TRIM67: variants seen among roughly 807,000 people sequenced by gnomAD.
TRIM67 encodes tripartite motif-containing protein 67.
TRIM67 carries 39 observed loss-of-function variants against 71.0 expected under a neutral mutation model. The ratio of observed to expected loss-of-function variants is 0.55; its 90% confidence interval spans 0.43 to 0.72. TRIM67 has a LOEUF of 0.72. Ranked by LOEUF, TRIM67 falls within the 30% of genes least tolerant of loss-of-function variation. The pLI, the probability that TRIM67 is intolerant of heterozygous loss-of-function variation, is 0.00. For synonymous variants in TRIM67, 481 were observed against 473.9 expected (o/e 1.01, Z -0.19); for missense variants, 973 against 1,079.2 (o/e 0.90, Z 1.38).
In TRIM67 at chr1:231,201,405, G is replaced by A; in HGVS notation, c.1422G>A (p.Trp474Ter). 1 of 1,613,486 alleles carries A rather than the reference G, an allele frequency of 6.2e-7. No individual in the cohort carries two copies. Residue 474 changes from tryptophan (W) to a stop codon, truncating the protein, a stop_gained, in exon 5 of 10, where the codon TGG becomes TGA. Transcript: ENST00000366653. LOFTEE classifies it high-confidence loss of function. ...IKRVQVSQEQ[W>*]VKGALEPKVS... ...GCGTCCAGGTGTCTCAGGAGCAGTG[G>A]GTCAAAGGCGCCCTGGAGCCGAAAG...
chr1:231,187,659 C>T, intron 1 of TRIM67: 3 of 1,209,934 alleles, frequency 2.5e-6, no homozygotes, highest in Non-Finnish European at 3.4e-6. Context: ...TACTGTCTCC[C>T]AAGTGGGGCA....
At chr1:231,204,054 A>G (rs768078991) in intron 6 of TRIM67, 42 bp downstream of exon 6, 7 of 1,608,876 alleles carry the variant, frequency 4.4e-6, no homozygotes, top group East Asian at 2.2e-5. Flanking sequence ...GAGGGTACCA[A>G]TGCAGAGGCA....
intron 1 of TRIM67, among the ~76,000 whole-genome samples, chr1:231,169,383 T>C (rs902198929): frequency 1.4e-4 from 20 of 146,860 alleles, no homozygotes; most frequent in African/African-American, 4.8e-4. Context: ...TTTTTTTTTT[T>C]TTTTTTTTTT....
intron 8 of TRIM67, among the ~76,000 whole-genome samples, chr1:231,210,805 C>T (rs1032659895): frequency 6.6e-6 from 1 of 151,612 alleles, no homozygotes; most frequent in Non-Finnish European, 1.5e-5. Context: ...TTAAGGAGGC[C>T]GAGGCAGAAG....
intron 1 of TRIM67, chr1:231,184,175 A>G (rs1682988074): frequency 1.3e-5 from 2 of 149,502 alleles, no homozygotes; most frequent in Non-Finnish European, 2.9e-5. Context: ...AAACAAAGGC[A>G]CGTCTGCCAG....
chr1:231,171,398 A>G (rs959239204), intron 1 of TRIM67, among the ~76,000 whole-genome samples: 1 of 152,212 alleles, frequency 6.6e-6, no homozygotes, highest in African/African-American at 2.4e-5. Context: ...GGGATTTAAA[A>G]TAAACCTACT....
intron 1 of TRIM67, among the ~76,000 whole-genome samples, chr1:231,173,392 A>G (rs1468831311): frequency 1.3e-5 from 2 of 152,206 alleles, no homozygotes; most frequent in Non-Finnish European, 2.9e-5. Flanking sequence ...ATTTTAAAAT[A>G]CCAATAGTAC....
At chr1:231,166,507 C>T (rs1362267139) in intron 1 of TRIM67, among the ~76,000 whole-genome samples, 1 of 151,324 alleles carries the variant, frequency 6.6e-6, no homozygotes, top group Admixed American at 6.6e-5. Context: ...CCACTGTTGG[C>T]AATTTAAGTT....
In TRIM67 at chr1:231,215,598, C is replaced by T. The variant is rs530361635; in HGVS notation, c.*158C>T. 101 of 1,410,304 alleles carry T rather than the reference C, an allele frequency of 7.2e-5. No individual in the cohort carries two copies. The highest frequency in any genetic ancestry group is 5.3e-5 in the Admixed American group (2 of 37,726). 87.4% of individuals were successfully genotyped at this position (1,410,304 alleles called of 1,614,324 possible). A position where few individuals can be genotyped will look rare whatever the true frequency, so the allele number is the denominator to read the frequency against. On this transcript the variant is annotated 3_prime_UTR_variant, in exon 10 of 10. Transcript: ENST00000366653. ...TCATAGAAACACATTTTCTTGGGGACGCAGGGAATGGGTCCACGGGCCATG... is the reference window on the plus strand; with the variant it reads ...TCATAGAAACACATTTTCTTGGGGATGCAGGGAATGGGTCCACGGGCCATG...
Position 231,220,293 on chromosome 1 carries a change from GT to G in TRIM67, c.*4854del, listed in dbSNP as rs1684111107. 1 of 245,846 alleles carries G rather than the reference GT, an allele frequency of 4.1e-6. No individual in the cohort carries two copies. The highest frequency in any genetic ancestry group is 8.1e-6 in the Non-Finnish European group (1 of 122,874). 15.2% of individuals were successfully genotyped at this position (245,846 alleles called of 1,614,324 possible). On this transcript the variant is annotated 3_prime_UTR_variant, in exon 10 of 10. Coordinates refer to ENST00000366653, the MANE Select transcript of TRIM67 (RefSeq NM_001004342.5). ...GACAGGTTTCCTATGACCATAGAAAGTAACACCCCATATGTTTCCATTCCCG... is the reference window on the plus strand; with the variant it reads ...GACAGGTTTCCTATGACCATAGAAAGAACACCCCATATGTTTCCATTCCCG...
intron 1 of TRIM67, among the ~76,000 whole-genome samples, chr1:231,165,137 A>G (rs1019858579): frequency 6.6e-6 from 1 of 152,148 alleles, no homozygotes; most frequent in Non-Finnish European, 1.5e-5. Context: ...TAGTTATCAC[A>G]CCTAGAAGGT....
chr1:231,168,258 G>C (rs894415517), intron 1 of TRIM67, among the ~76,000 whole-genome samples: 1 of 152,240 alleles, frequency 6.6e-6, no homozygotes, highest in Non-Finnish European at 1.5e-5. Flanking sequence ...GTAGGCGTGA[G>C]CGACTGCACC....
At chr1:231,201,326 G>A (rs1203501996) in intron 4 of TRIM67, 32 bp from the exon 5 acceptor site, 1 of 1,594,000 alleles carries the variant, frequency 6.3e-7, no homozygotes. Context: ...CCTTTGCAAA[G>A]CAAAACCTTA....
intron 1 of TRIM67, among the ~76,000 whole-genome samples, chr1:231,170,174 T>TG (rs1682588059): frequency 6.6e-6 from 1 of 151,970 alleles, no homozygotes; most frequent in Non-Finnish European, 1.5e-5. Flanking sequence ...TTAGTAGAGA[T>TG]GGGGTTTCCC....
At chr1:231,214,124 C>T in intron 9 of TRIM67, 147 bp downstream of exon 9, 1 of 1,079,714 alleles carries the variant, frequency 9.3e-7, no homozygotes. Flanking sequence ...CTGCCTTGGA[C>T]ATTTCCTGGA....
In TRIM67 at chr1:231,217,623, T is replaced by C. The variant is rs1684048596; in HGVS notation, c.*2183T>C. ...ACAGGCCTACACCCTGCCCCCAGAA[T>C]GAGAGTGGGCTAGGCAGGGCTGCCT... On this transcript the variant is annotated 3_prime_UTR_variant, in exon 10 of 10. Transcript: ENST00000366653. 8.9e-7 allele frequency: 1 copy of C among 1,121,178 alleles called. No homozygotes were observed. Among genetic ancestry groups the C allele is most frequent in the African/African-American group, 1.6e-5 (1 of 61,372 alleles). 69.5% of individuals were successfully genotyped at this position (1,121,178 alleles called of 1,614,324 possible). A position where few individuals can be genotyped will look rare whatever the true frequency, so the allele number is the denominator to read the frequency against.
chr1:231,215,827 G>A lies in TRIM67; in HGVS notation c.*387G>A, dbSNP rs1473081092. 4.9e-6 allele frequency: 5 copies of A among 1,019,192 alleles called. No individual in the cohort carries two copies. Among genetic ancestry groups the A allele is most frequent in the Non-Finnish European group, 5.9e-6 (5 of 852,514 alleles). 63.1% of individuals were successfully genotyped at this position (1,019,192 alleles called of 1,614,324 possible). Reference sequence around the variant, plus strand: ...AGACTTTGAGACTGGCCTCCTGAGAGCGGCAGTCAGGAGCTGCGCTGTAAT... The same window carrying A: ...AGACTTTGAGACTGGCCTCCTGAGAACGGCAGTCAGGAGCTGCGCTGTAAT... On this transcript the variant is annotated 3_prime_UTR_variant, in exon 10 of 10. Coordinates refer to ENST00000366653, the MANE Select transcript of TRIM67 (RefSeq NM_001004342.5).
intron 1 of TRIM67, chr1:231,185,366 G>A: frequency 2.4e-6 from 2 of 832,970 alleles, no homozygotes; most frequent in Non-Finnish European, 3.6e-6. Context: ...CTCATCTGAA[G>A]TGGGGAAGAA....
chr1:231,198,826 C>T (rs1683443327), intron 2 of TRIM67, among the ~76,000 whole-genome samples: 1 of 152,130 alleles, frequency 6.6e-6, no homozygotes, highest in Non-Finnish European at 1.5e-5. Flanking sequence ...GCCCTATGAA[C>T]AAGATTTGAA....
Sources: gnomAD v4.1 joint callset for allele counts (sites outside exome capture counted in the v4.1 genomes callset) on GRCh38, gnomAD v4.1.1 for gene constraint, MANE v1.5 for transcripts, NCBI Gene and HGNC (gene_info 2026-07-23, HGNC 2026-07-21) for gene names.